BMS1: variants seen among roughly 807,000 people sequenced by gnomAD.
The protein encoded by BMS1 is ribosome biogenesis protein BMS1 homolog.
BMS1 carries 53 observed loss-of-function variants against 138.7 expected under a neutral mutation model. That is an observed-to-expected ratio of 0.38 (90% confidence interval 0.31 to 0.48). The LOEUF (loss-of-function observed/expected upper bound fraction) is 0.48, where lower values mean the gene tolerates loss of function less well. Ranked by LOEUF, BMS1 falls within the 20% of genes least tolerant of loss-of-function variation. The probability of loss-of-function intolerance (pLI) is 0.97; values close to 1 mark genes in which losing one functional copy is unlikely to be tolerated. For synonymous variants in BMS1, 504 were observed against 539.9 expected (o/e 0.93, Z 0.92); for missense variants, 1,360 against 1,565.5 (o/e 0.87, Z 2.22).
chr10:42,785,711 G>A, intron 3 of BMS1, 39 bp downstream of exon 3: 1 of 1,595,568 alleles, frequency 6.3e-7, no homozygotes, highest in Non-Finnish European at 8.6e-7. Flanking sequence ...TGGCGTGGCT[G>A]TTGTCATCTG....
In BMS1 at chr10:42,783,913, G is replaced by A. The variant is rs1165337014; in HGVS notation, c.-33-449G>A. Among the ~76,000 whole-genome samples, 3 of 152,246 alleles carry A rather than the reference G, an allele frequency of 2.0e-5. No homozygotes were observed. The East Asian group carries it at 5.8e-4, about 29-fold the overall frequency. On this transcript the variant is annotated intron_variant, in intron 1 of 22. Coordinates refer to ENST00000374518, the MANE Select transcript of BMS1 (RefSeq NM_014753.4). ...TTTAAGTTAGGAAACCACTTCATCAGTCCAGTTGATACCTGGGTCTGAGCT... is the reference window on the plus strand; with the variant it reads ...TTTAAGTTAGGAAACCACTTCATCAATCCAGTTGATACCTGGGTCTGAGCT...
At chr10:42,812,497 G>C (rs1842213333) in intron 13 of BMS1, among the ~76,000 whole-genome samples, 1 of 152,150 alleles carries the variant, frequency 6.6e-6, no homozygotes, top group African/African-American at 2.4e-5. Context: ...TCTTCTTGGT[G>C]GGTTAATCCT....
chr10:42,789,554 A>G (rs1841439526), intron 4 of BMS1, among the ~76,000 whole-genome samples: 1 of 151,808 alleles, frequency 6.6e-6, no homozygotes, highest in Non-Finnish European at 1.5e-5. Flanking sequence ...TCATCTGCTT[A>G]TATTTTCTTA....
In BMS1 at chr10:42,784,346, A is replaced by G. The variant is rs937116901; in HGVS notation, c.-33-16A>G. The G allele has an allele frequency of 1.3e-6, 2 of 1,529,892 alleles. No homozygotes were observed. Among genetic ancestry groups the G allele is most frequent in the Non-Finnish European group, 1.7e-6 (2 of 1,144,830 alleles). The allele number at this position is 1,529,892 out of a possible 1,614,324, so 94.8% of individuals were successfully genotyped here. On this transcript the variant is annotated splice_polypyrimidine_tract_variant and intron_variant, in intron 1 of 22. Transcript: ENST00000374518. ...ATGCTTCTCCCATCTCCTTACCCCAACCTTCTTCCTTGTAGGTTAGAGTTA... is the reference window on the plus strand; with the variant it reads ...ATGCTTCTCCCATCTCCTTACCCCAGCCTTCTTCCTTGTAGGTTAGAGTTA...
intron 21 of BMS1, among the ~76,000 whole-genome samples, chr10:42,824,308 T>C (rs1035301736): frequency 2.0e-5 from 3 of 152,234 alleles, no homozygotes; most frequent in African/African-American, 7.2e-5. Context: ...GGTCATTTCC[T>C]ATTTGGCCCA....
At chr10:42,803,096 A>G (rs540362986) in intron 13 of BMS1, among the ~76,000 whole-genome samples, 2 of 152,248 alleles carry the variant, frequency 1.3e-5, no homozygotes, top group African/African-American at 4.8e-5. Context: ...GTCATGGCCC[A>G]CTGCAGCCTC....
chr10:42,830,966 A>C lies in BMS1; in HGVS notation c.3719A>C (p.Lys1240Thr). 1 of 1,609,706 alleles carries C rather than the reference A, an allele frequency of 6.2e-7. No homozygotes were observed. Among genetic ancestry groups the C allele is most frequent in the South Asian group, 1.1e-5 (1 of 90,130 alleles). ...CACAATAAAGAGCACTTCAGAGCCAAGCAGAAGGAGGAGGAGGAGAAGCTG... is the reference window on the plus strand; with the variant it reads ...CACAATAAAGAGCACTTCAGAGCCACGCAGAAGGAGGAGGAGGAGAAGCTG... ...HLHNKEHFRA[K>T]QKEEEEKLKR... Residue 1240 changes from lysine to threonine, a missense_variant, in exon 23 of 23, where the codon AAG becomes ACG. By Grantham distance (78) the Lys-to-Thr change is moderately conservative (BLOSUM62 -1). Around this residue, in one of 3 missense-constraint regions of BMS1, gnomAD observed 425 missense variants for 568.3 expected, o/e 0.75. Transcript: ENST00000374518.
At position 42,830,433 on chromosome 10, in the gene BMS1, C is replaced by T. The variant is rs201582130; in HGVS notation, c.3618+11C>T. On this transcript the variant is annotated intron_variant, in intron 22 of 22. Coordinates refer to ENST00000374518, the MANE Select transcript of BMS1 (RefSeq NM_014753.4). ...CCTCATGAAAGAAAGGTACTGTTGC[C>T]CATGCTGTACTGCACGCTGCGTTTA... The T allele has an allele frequency of 4.2e-5, 67 of 1,601,266 alleles. No individual in the cohort carries two copies. The African/African-American group carries it at 8.1e-4, about 19-fold the overall frequency.
At chr10:42,806,947 A>G (rs1842030411) in intron 13 of BMS1, among the ~76,000 whole-genome samples, 1 of 152,178 alleles carries the variant, frequency 6.6e-6, no homozygotes, top group African/African-American at 2.4e-5. Context: ...TACTATGTAT[A>G]CTATGTGTAC....
chr10:42,813,978 G>T (rs1472263060), intron 13 of BMS1, among the ~76,000 whole-genome samples: 1 of 152,086 alleles, frequency 6.6e-6, no homozygotes, highest in East Asian at 1.9e-4. Context: ...TGAAAATGTT[G>T]TGCCACTTCC....
In BMS1 at chr10:42,820,524, A is replaced by G; in HGVS notation, c.2786A>G (p.His929Arg). The change falls in exon 17 of 23, where the codon CAT becomes CGT. Residue 929 changes from histidine (H) to arginine (R), a missense_variant. By Grantham distance (29) the His-to-Arg change is conservative (BLOSUM62 0). Around this residue, in one of 3 missense-constraint regions of BMS1, gnomAD observed 425 missense variants for 568.3 expected, o/e 0.75. Coordinates refer to ENST00000374518, the MANE Select transcript of BMS1 (RefSeq NM_014753.4). ...VGYVQMRLKK[H>R]RWYKKILKSR... The stretch of plus-strand genomic sequence containing the variant: ...TCCCCTCAGATGCGTCTGAAGAAAC[A>G]TCGCTGGTATAAGAAAATCCTCAAG... 1 of 1,610,390 alleles carries G rather than the reference A, an allele frequency of 6.2e-7. No individual in the cohort carries two copies. The highest frequency in any genetic ancestry group is 1.1e-5 in the South Asian group (1 of 90,656).
intron 21 of BMS1, among the ~76,000 whole-genome samples, chr10:42,828,037 C>G (rs1309312825): frequency 1.3e-5 from 2 of 152,104 alleles, no homozygotes; most frequent in African/African-American, 4.8e-5. Context: ...CAGAAGAGTG[C>G]CCAAATCATA....
intron 12 of BMS1, among the ~76,000 whole-genome samples, chr10:42,799,591 A>T (rs1841806358): frequency 2.0e-5 from 3 of 152,146 alleles, no homozygotes; most frequent in Non-Finnish European, 2.9e-5. Flanking sequence ...TTTATGGTGA[A>T]ATTTAATACA....
chr10:42,825,683 T>C (rs1403018746), intron 21 of BMS1, among the ~76,000 whole-genome samples: 1 of 152,254 alleles, frequency 6.6e-6, no homozygotes, highest in East Asian at 1.9e-4. Context: ...TCTCACACTT[T>C]TTTGTGGAAT....
intron 13 of BMS1, among the ~76,000 whole-genome samples, chr10:42,808,535 G>A (rs1423524935): frequency 6.6e-6 from 1 of 151,872 alleles, no homozygotes; most frequent in Admixed American, 6.6e-5. Context: ...TCCTGACCTC[G>A]TGATCCGCCT....
In BMS1 at chr10:42,797,155, G is replaced by A; in HGVS notation, c.1911G>A (p.Glu637=). The A allele has an allele frequency of 6.2e-7, 1 of 1,613,914 alleles. No individual in the cohort carries two copies. ...TGGGGCCACAGAACTTCATTGATGA[G>A]ACCAGTGATATAGAAAATTTACTCA... is the stretch of plus-strand genomic sequence containing the variant. ...QKLGPQNFID[E]TSDIENLLKE... is the part of the protein sequence containing the mutation. Residue 637 remains glutamate, a synonymous_variant, in exon 10 of 23, where the codon GAG becomes GAA. Coordinates refer to ENST00000374518, the MANE Select transcript of BMS1 (RefSeq NM_014753.4).
chr10:42,828,324 CTG>C (rs1421466357), intron 21 of BMS1, among the ~76,000 whole-genome samples: 1 of 152,250 alleles, frequency 6.6e-6, no homozygotes, highest in East Asian at 1.9e-4. Flanking sequence ...CAGTATATGA[CTG>C]TGTCACCATT....
chr10:42,792,886 AC>A, intron 7 of BMS1, 70 bp from the exon 8 acceptor site: 2 of 1,503,224 alleles, frequency 1.3e-6, no homozygotes, highest in Non-Finnish European at 1.8e-6. Flanking sequence ...ATCATATTTA[AC>A]CCCCTAGTCA....
At chr10:42,803,925 C>G (rs2132335133) in intron 13 of BMS1, among the ~76,000 whole-genome samples, 1 of 152,316 alleles carries the variant, frequency 6.6e-6, no homozygotes, top group East Asian at 1.9e-4. Flanking sequence ...TCACCAGGTA[C>G]ATTCAGCTGC....
Sources: allele counts gnomAD v4.1 joint callset (sites outside exome capture counted in the v4.1 genomes callset), GRCh38; gene constraint gnomAD v4.1.1; regional missense constraint gnomAD v4.1.1; transcripts MANE v1.5; gene names NCBI Gene and HGNC (gene_info 2026-07-23, HGNC 2026-07-21).